The following CACNA2D3 variants were observed in gnomAD, a reference collection of about 807,000 sequenced individuals.
CACNA2D3 encodes calcium voltage-gated channel auxiliary subunit alpha2delta 3.
CACNA2D3 carries 60 observed loss-of-function variants against 160.6 expected under a neutral mutation model. The ratio of observed to expected loss-of-function variants is 0.37; its 90% CI spans 0.30 to 0.46. CACNA2D3 has a LOEUF of 0.46. Ranked by LOEUF, CACNA2D3 falls within the 20% of genes least tolerant of loss-of-function variation. CACNA2D3 has a pLI of 1.00. For missense variants in CACNA2D3, 1,205 were observed against 1,365.0 expected, an observed-to-expected ratio of 0.88 and a Z score of 1.85; for synonymous variants, 558 against 492.9, an observed-to-expected ratio of 1.13 and a Z score of -1.75.
At chr3:54,764,436 A>C in intron 13 of CACNA2D3, 85 bp downstream of exon 13, 15 of 1,502,028 alleles carry the variant, frequency 1.0e-5, no homozygotes, top group Non-Finnish European at 1.4e-5. Flanking sequence ...CAACTGTATC[A>C]CTCTTATTTT....
At chr3:55,000,774 G>A (rs961531352) in intron 31 of CACNA2D3, among the ~76,000 whole-genome samples, 2 of 152,060 alleles carry the variant, frequency 1.3e-5, no homozygotes, top group African/African-American at 2.4e-5. Context: ...TGACTCATCA[G>A]CCCTTCAGCT....
At chr3:54,798,212 T>C (rs751935972) in intron 13 of CACNA2D3, among the ~76,000 whole-genome samples, 2 of 152,208 alleles carry the variant, frequency 1.3e-5, no homozygotes, top group Non-Finnish European at 2.9e-5. Context: ...TTTACCCCAA[T>C]GTCTTTACAT....
At chr3:54,952,367 G>C (rs775186002) in intron 27 of CACNA2D3, among the ~76,000 whole-genome samples, 2 of 152,154 alleles carry the variant, frequency 1.3e-5, no homozygotes, top group Non-Finnish European at 2.9e-5. Flanking sequence ...TCTTCAGAGG[G>C]AGGCCGCAAA....
At chr3:54,736,102 T>TATATGTATATATATAC (rs1553814439) in intron 11 of CACNA2D3, among the ~76,000 whole-genome samples, 447 of 26,692 alleles carry the variant, frequency 0.017, 56 homozygotes, top group African/African-American at 0.04. Flanking sequence ...TATATATACA[T>TATATGTATATATATAC]ATATATGTAT....
At chr3:54,988,898 T>A (rs1235718319) in intron 31 of CACNA2D3, among the ~76,000 whole-genome samples, 1 of 152,244 alleles carries the variant, frequency 6.6e-6, no homozygotes, top group Non-Finnish European at 1.5e-5. Context: ...CAGGCCTGCC[T>A]GTAGCAGATC....
chr3:54,763,814 T>TATATGTAC (rs1702151545), intron 12 of CACNA2D3, among the ~76,000 whole-genome samples: 2 of 5,210 alleles, frequency 3.8e-4, no homozygotes, highest in South Asian at 7.4e-3. Flanking sequence ...TATATATACA[T>TATATGTAC]ATATATATAC....
At chr3:54,644,967 G>T (rs1177405381) in intron 11 of CACNA2D3, among the ~76,000 whole-genome samples, 2 of 152,158 alleles carry the variant, frequency 1.3e-5, no homozygotes, top group South Asian at 2.1e-4. Flanking sequence ...GTGTTTCTTG[G>T]TTCATATTCT....
chr3:54,423,293 TAA>T (rs1262355223), intron 4 of CACNA2D3, among the ~76,000 whole-genome samples: 3 of 152,172 alleles, frequency 2.0e-5, no homozygotes, highest in Non-Finnish European at 4.4e-5. Flanking sequence ...AAAACATTTT[TAA>T]GATAAAAAGA....
chr3:54,567,365 G>C (rs185912295), intron 6 of CACNA2D3, among the ~76,000 whole-genome samples: 35 of 152,208 alleles, frequency 2.3e-4, no homozygotes, highest in Admixed American at 2.2e-3. Flanking sequence ...GGAAGGAATT[G>C]GGCAGAACTT....
At chr3:55,004,986 A>C (rs1559461174) in intron 32 of CACNA2D3, 148 bp downstream of exon 32, 3 of 600,514 alleles carry the variant, frequency 5.0e-6, no homozygotes, top group Non-Finnish European at 2.9e-6. Context: ...AAAAAAAAAA[A>C]CACTTCAGGC....
rs1162900126 is a variant in CACNA2D3, at chr3:54,688,979, C to CAAAA, written c.1167+46767_1167+46770dup. On this transcript the variant is annotated intron_variant, in intron 11 of 37. Coordinates refer to ENST00000474759, the MANE Select transcript of CACNA2D3 (RefSeq NM_018398.3). ...CCTGGGAGACAGTGTGAGACTGTCT[C>CAAAA]AAAAAAAAAAAAAAAAAAAAAAAAA... Among the ~76,000 whole-genome samples the CAAAA allele has an allele frequency of 2.4e-3, 75 of 31,434 alleles. 3 individuals carry two copies. The East Asian group carries it at 0.025, about 11-fold the overall frequency. The allele number at this position is 31,434 out of a possible 152,430, so 20.6% of individuals were successfully genotyped here.
intron 4 of CACNA2D3, among the ~76,000 whole-genome samples, chr3:54,480,223 G>C (rs547580227): frequency 1.5e-4 from 23 of 152,126 alleles, no homozygotes; most frequent in Non-Finnish European, 3.4e-4. Flanking sequence ...AATGCTAAAG[G>C]TGTGCTACAG....
intron 4 of CACNA2D3, among the ~76,000 whole-genome samples, chr3:54,460,113 G>A (rs1700472733): frequency 6.6e-6 from 1 of 151,464 alleles, no homozygotes; most frequent in Non-Finnish European, 1.5e-5. Flanking sequence ...TGAGGGCTCT[G>A]TTCTGTTCCA....
At chr3:54,456,615 T>C (rs1016292786) in intron 4 of CACNA2D3, among the ~76,000 whole-genome samples, 1 of 152,036 alleles carries the variant, frequency 6.6e-6, no homozygotes, top group Non-Finnish European at 1.5e-5. Context: ...AGGGTAATGT[T>C]GGCCTCATAG....
At chr3:54,766,838 T>C (rs1251538532) in intron 13 of CACNA2D3, among the ~76,000 whole-genome samples, 1 of 151,582 alleles carries the variant, frequency 6.6e-6, no homozygotes, top group Non-Finnish European at 1.5e-5. Flanking sequence ...AAATCACATA[T>C]AGCATACTAC....
In CACNA2D3 at chr3:54,451,573, A is replaced by G. The variant is rs539417727; in HGVS notation, c.382-51919A>G. Among the ~76,000 whole-genome samples, 79 of 152,170 alleles carry G rather than the reference A, an allele frequency of 5.2e-4. No homozygotes were observed. In the Middle Eastern group the frequency reaches 0.01, roughly 20 times the overall value. The stretch of plus-strand genomic sequence containing the variant: ...ATTGGGTTCACGAGTCACATGCCTA[A>G]TCTCTCCATAGGAAGTGTGTACAGT... On this transcript the variant is annotated intron_variant, in intron 4 of 37. Transcript: ENST00000474759.
intron 5 of CACNA2D3, among the ~76,000 whole-genome samples, chr3:54,543,881 A>C (rs1197887758): frequency 6.6e-6 from 1 of 152,252 alleles, no homozygotes. Flanking sequence ...TGTTTTTGCT[A>C]ATAGTTTTGG....
At chr3:54,718,140 C>T (rs1383131349) in intron 11 of CACNA2D3, among the ~76,000 whole-genome samples, 2 of 152,090 alleles carry the variant, frequency 1.3e-5, no homozygotes, top group East Asian at 3.8e-4. Context: ...AGATACCACT[C>T]CTTTACTGGA....
At chr3:54,330,050 A>G (rs1356516783) in intron 3 of CACNA2D3, among the ~76,000 whole-genome samples, 1 of 152,224 alleles carries the variant, frequency 6.6e-6, no homozygotes, top group East Asian at 1.9e-4. Context: ...TGGAGAGATG[A>G]CAGCCCTTGC....
Sources: allele counts gnomAD v4.1 joint callset (sites outside exome capture counted in the v4.1 genomes callset), GRCh38; gene constraint gnomAD v4.1.1; transcripts MANE v1.5; gene names NCBI Gene and HGNC (gene_info 2026-07-23, HGNC 2026-07-21).